Variants in ZNF141 observed in about 807,000 individuals in gnomAD.
ZNF141 encodes the protein zinc finger protein 141, also known as zinc finger protein 141 (clone pHZ-44).
Under a neutral mutation model 11.3 loss-of-function variants are expected in ZNF141, and 7 were observed. That is an observed-to-expected ratio of 0.62 (90% CI 0.35 to 1.16). ZNF141 has a LOEUF of 1.16. Ranked by LOEUF, ZNF141 falls within the 50% of genes most tolerant of loss-of-function variation. ZNF141 has a pLI of 0.02. For synonymous variants in ZNF141, 183 were observed against 190.7 expected, an observed-to-expected ratio of 0.96 and a Z score of 0.33; for missense variants, 535 against 554.0, an observed-to-expected ratio of 0.97 and a Z score of 0.34.
intron 3 of ZNF141, among the ~76,000 whole-genome samples, chr4:353,463 A>ATTT (rs782000820): frequency 4.4e-5 from 6 of 135,478 alleles, no homozygotes; most frequent in Non-Finnish European, 6.2e-5. Flanking sequence ...TATTATTATT[A>ATTT]TTATTTTTTT....
chr4:338,009 C>A (rs1310118021), intron 1 of ZNF141, 23 bp downstream of exon 1: 3 of 1,612,934 alleles, frequency 1.9e-6, no homozygotes, highest in African/African-American at 1.3e-5. Context: ...GGCAGGGCGT[C>A]CCAAGGCTGA....
chr4:339,897 G>C (rs1443673604), intron 1 of ZNF141, among the ~76,000 whole-genome samples: 1 of 152,164 alleles, frequency 6.6e-6, no homozygotes, highest in Non-Finnish European at 1.5e-5. Flanking sequence ...TTTTCCCTTT[G>C]AATATTACCA....
In ZNF141 at chr4:384,209, T is replaced by C. The variant is rs1393674966; in HGVS notation, c.*10347T>C. The C allele has an allele frequency of 6.6e-6, 1 of 152,180 alleles. No homozygotes were observed. The highest frequency in any genetic ancestry group is 1.5e-5 in the Non-Finnish European group (1 of 68,044). 9.4% of individuals were successfully genotyped at this position (152,180 alleles called of 1,614,324 possible). A position where few individuals can be genotyped will look rare whatever the true frequency, so the allele number is the denominator to read the frequency against. ...AATAGCAAAACAAGAAGTTTGCCTT[T>C]AATCTATTCCCTCCACATCTAAACT... On this transcript the variant is annotated 3_prime_UTR_variant, in exon 4 of 4. Transcript: ENST00000240499.
rs1391639364 is a variant in ZNF141 at position 376,476 on chromosome 4, A to G, written c.*2614A>G. Reference sequence around the variant, plus strand: ...ACACACAATCCAATTATACACTTTAATTATTTCTAAATGTACAATTATGAT... The same window carrying G: ...ACACACAATCCAATTATACACTTTAGTTATTTCTAAATGTACAATTATGAT... On this transcript the variant is annotated 3_prime_UTR_variant, in exon 4 of 4. Transcript: ENST00000240499. 6.6e-6 allele frequency among the ~76,000 whole-genome samples: 1 copy of G among 152,070 alleles called. No homozygotes were observed. The highest frequency in any genetic ancestry group is 1.5e-5 in the Non-Finnish European group (1 of 67,928).
chr4:373,839 A>G lies in ZNF141; in HGVS notation c.1402A>G (p.Lys468Glu). The change falls in exon 4 of 4, where the codon AAA becomes GAA. Residue 468 changes from lysine to glutamate, a missense_variant. Physicochemically the swap from Lys to Glu is moderately conservative, Grantham distance 56. Coordinates refer to ENST00000240499, the MANE Select transcript of ZNF141 (RefSeq NM_003441.4). ...KAFKRFSHLN[K>E]HKKIHT ...CTTTAAACGGTTCTCACACCTGAAT[A>G]AACATAAGAAAATTCATACTTGAGA... is the stretch of plus-strand genomic sequence containing the variant. The G allele has an allele frequency of 2.5e-6, 4 of 1,603,430 alleles. No individual in the cohort carries two copies. The highest frequency in any genetic ancestry group is 2.6e-6 in the Non-Finnish European group (3 of 1,174,990).
intron 3 of ZNF141, among the ~76,000 whole-genome samples, chr4:352,079 C>G: frequency 6.6e-6 from 1 of 152,010 alleles, no homozygotes; most frequent in East Asian, 1.9e-4. Flanking sequence ...TACAGAGGAG[C>G]AAACAAGATT....
chr4:361,852 C>G (rs1362359771), intron 3 of ZNF141, among the ~76,000 whole-genome samples: 1 of 152,142 alleles, frequency 6.6e-6, no homozygotes, highest in East Asian at 1.9e-4. Flanking sequence ...GTGCATGTGT[C>G]TTTATAGCAG....
At chr4:343,022 TGA>T in intron 1 of ZNF141, 2 of 611,778 alleles carry the variant, frequency 3.3e-6, no homozygotes, top group East Asian at 3.7e-5. Context: ...GTTCCTTGCA[TGA>T]TTAAAAAAGT....
chr4:344,434 G>T lies in ZNF141; in HGVS notation c.226+4G>T. ...AAGATCGTAGCCAGACCCCCAGGTA[G>T]GTGAGAGTGAATGGAGGAGAGGGCA... is the stretch of plus-strand genomic sequence containing the variant. On this transcript the variant is annotated splice_donor_region_variant and intron_variant, in intron 3 of 3. Coordinates refer to ENST00000240499, the MANE Select transcript of ZNF141 (RefSeq NM_003441.4). 1 of 1,603,514 alleles carries T rather than the reference G, an allele frequency of 6.2e-7. No homozygotes were observed. Among genetic ancestry groups the T allele is most frequent in the Non-Finnish European group, 8.5e-7 (1 of 1,172,784 alleles).
At chr4:346,893 A>C (rs924838704) in intron 3 of ZNF141, among the ~76,000 whole-genome samples, 46 of 135,424 alleles carry the variant, frequency 3.4e-4, no homozygotes, top group South Asian at 2.1e-3. Context: ...ACACACACAC[A>C]CCGCCCCCCC....
chr4:360,857 T>C (rs1328934550), intron 3 of ZNF141, among the ~76,000 whole-genome samples: 1 of 152,216 alleles, frequency 6.6e-6, no homozygotes, highest in East Asian at 1.9e-4. Flanking sequence ...GTTTTCTATA[T>C]GGTATTTGCC....
Position 372,809 on chromosome 4 carries a change from G to T in ZNF141, c.372G>T (p.Lys124Asn). The change falls in exon 4 of 4, where the codon AAG becomes AAT. Residue 124 changes from lysine to asparagine, a missense_variant. Transcript: ENST00000240499. The stretch of plus-strand genomic sequence containing the variant: ...GCTGTAAAAGTTTGAATGAGTGTAA[G>T]TTGCAGAAAGGAGGTTATAATGAAT... ...RKGCKSLNEC[K>N]LQKGGYNEFN... 6.2e-7 allele frequency: 1 copy of T among 1,613,884 alleles called. No homozygotes were observed. Among genetic ancestry groups the T allele is most frequent in the Non-Finnish European group, 8.5e-7 (1 of 1,179,882 alleles).
rs1581638696 is a variant in ZNF141 at position 382,447 on chromosome 4, T to C, written c.*8585T>C. Reference sequence around the variant, plus strand: ...TGATTCAGGAACAGTAATTTGACTTTGTCTATATTAAAAATCATAAATAGT... The same window carrying C: ...TGATTCAGGAACAGTAATTTGACTTCGTCTATATTAAAAATCATAAATAGT... On this transcript the variant is annotated 3_prime_UTR_variant, in exon 4 of 4. Transcript: ENST00000240499. 1.3e-5 allele frequency among the ~76,000 whole-genome samples: 2 copies of C among 152,186 alleles called. No individual in the cohort carries two copies. Among genetic ancestry groups the C allele is most frequent in the African/African-American group, 4.8e-5 (2 of 41,450 alleles).
chr4:364,627 G>T (rs151315446), intron 3 of ZNF141, among the ~76,000 whole-genome samples: 6 of 152,070 alleles, frequency 3.9e-5, no homozygotes, highest in Non-Finnish European at 8.8e-5. Context: ...GTCCACTCCA[G>T]ACTCTCTTTG....
chr4:372,632 G>C (rs1712123584), intron 3 of ZNF141, 32 bp from the exon 4 acceptor site: 3 of 1,448,928 alleles, frequency 2.1e-6, no homozygotes, highest in South Asian at 3.1e-5. Context: ...AATCTACTAA[G>C]TGGGATAATT....
intron 1 of ZNF141, 170 bp downstream of exon 1, chr4:338,156 G>C: frequency 1.3e-6 from 1 of 786,098 alleles, no homozygotes; most frequent in South Asian, 1.7e-5. Context: ...CCGCACAGCG[G>C]CTCTGGCCCA....
intron 3 of ZNF141, among the ~76,000 whole-genome samples, chr4:371,230 C>G (rs1712041987): frequency 6.7e-6 from 1 of 148,716 alleles, no homozygotes; most frequent in African/African-American, 2.5e-5. Context: ...AATTTTTGTT[C>G]TGGAATTTTT....
intron 3 of ZNF141, among the ~76,000 whole-genome samples, chr4:365,424 C>T (rs1384444676): frequency 2.0e-5 from 3 of 152,198 alleles, no homozygotes; most frequent in South Asian, 2.1e-4. Flanking sequence ...ACGTCAGTCA[C>T]GCTGTGAGCT....
At chr4:347,708 A>G (rs1721402760) in intron 3 of ZNF141, among the ~76,000 whole-genome samples, 1 of 151,098 alleles carries the variant, frequency 6.6e-6, no homozygotes, top group South Asian at 2.1e-4. Context: ...CCACCAGCAT[A>G]CAAGATTTCC....
Sources: gnomAD v4.1 joint callset for allele counts (sites outside exome capture counted in the v4.1 genomes callset) on GRCh38, gnomAD v4.1.1 for gene constraint, MANE v1.5 for transcripts, NCBI Gene and HGNC (gene_info 2026-07-23, HGNC 2026-07-21) for gene names.